DLG5: variants seen among roughly 807,000 people sequenced by gnomAD.
The protein encoded by DLG5 is discs large MAGUK scaffold protein 5.
A neutral mutation model predicts 189.8 loss-of-function variants in DLG5; 48 were observed. The observed-to-expected ratio is 0.25, with a 90% CI of 0.20 to 0.32. The LOEUF is 0.32. Among genes scored for constraint, DLG5 ranks in the 10% least tolerant of loss-of-function variants. The pLI is 1.00. For synonymous variants in DLG5, 1,016 were observed against 1,054.1 expected (o/e 0.96, Z 0.70); for missense variants, 2,160 against 2,544.7 (o/e 0.85, Z 3.25).
At chr10:77,827,019 A>G (rs145649256) in intron 13 of DLG5, among the ~76,000 whole-genome samples, 192 of 152,352 alleles carry the variant, frequency 1.3e-3, no homozygotes, top group African/African-American at 4.2e-3. Context: ...CATCCAGGTT[A>G]CCTCAACCCC....
intron 6 of DLG5, 110 bp downstream of exon 6, chr10:77,843,337 C>A: frequency 7.3e-7 from 1 of 1,375,422 alleles, no homozygotes; most frequent in African/African-American, 1.4e-5. Flanking sequence ...TGGTCAGAAG[C>A]ATTTTTTGAT....
In DLG5 at chr10:77,815,365, T is replaced by G. The variant is rs896522634; in HGVS notation, c.4025+1186A>C. ...TAAGTTCAGATTTTCAAGTCAAATA[T>G]AAGATTTTCTCTGGCTGGGCACGGT... On this transcript the variant is annotated intron_variant, in intron 20 of 31. Transcript: ENST00000372391. Among the ~76,000 whole-genome samples the G allele has an allele frequency of 5.9e-5, 9 of 152,260 alleles. No homozygotes were observed. The South Asian group carries it at 1.9e-3, about 32-fold the overall frequency.
At chr10:77,882,820 G>A (rs2154577414) in intron 1 of DLG5, among the ~76,000 whole-genome samples, 1 of 151,682 alleles carries the variant, frequency 6.6e-6, no homozygotes, top group African/African-American at 2.4e-5. Context: ...CTACTCGGGA[G>A]GGTGAGGCAC....
chr10:77,830,260 C>T lies in DLG5; in HGVS notation c.1966G>A (p.Val656Ile). The change falls in exon 11 of 32, where the codon GTC (valine) becomes ATC (isoleucine). Residue 656 changes from valine (V) to isoleucine (I), a missense_variant. By Grantham distance (29) the Val-to-Ile change is conservative (BLOSUM62 3). This residue lies in a region of DLG5 where 107 missense variants were observed against 214.5 expected (regional missense o/e 0.50). Coordinates refer to ENST00000372391, the MANE Select transcript of DLG5 (RefSeq NM_004747.4). The stretch of plus-strand genomic sequence containing the variant: ...ATGCTTCCTTTGTCCACTTTAGTGA[C>T]AAATATGCCACAGTCCCCCGGGAAA... ...PCFPGDCGIF[V>I]TKVDKGSIAD... The T allele has an allele frequency of 6.2e-7, 1 of 1,614,208 alleles. No homozygotes were observed. Among genetic ancestry groups the T allele is most frequent in the Non-Finnish European group, 8.5e-7 (1 of 1,180,044 alleles).
intron 11 of DLG5, 80 bp from the exon 12 acceptor site, chr10:77,829,610 G>C (rs376634862): frequency 8.1e-6 from 12 of 1,489,798 alleles, no homozygotes; most frequent in African/African-American, 7.0e-5. Context: ...CACTCAGGGG[G>C]CTGACTGCCA....
At chr10:77,867,702 A>C (rs1042820562) in intron 2 of DLG5, among the ~76,000 whole-genome samples, 2 of 152,232 alleles carry the variant, frequency 1.3e-5, no homozygotes, top group African/African-American at 2.4e-5. Flanking sequence ...TAAAGTCCCA[A>C]TCCAGTAAAT....
intron 1 of DLG5, among the ~76,000 whole-genome samples, chr10:77,891,772 A>G (rs1242769687): frequency 1.3e-5 from 2 of 152,166 alleles, no homozygotes; most frequent in Non-Finnish European, 2.9e-5. Context: ...TTTCTCCCAC[A>G]GCAGGTGGCT....
chr10:77,832,202 A>T (rs944773015), intron 9 of DLG5, among the ~76,000 whole-genome samples: 2 of 152,226 alleles, frequency 1.3e-5, no homozygotes, highest in African/African-American at 2.4e-5. Context: ...AAAAAAAAAA[A>T]TTTGATAGAT....
intron 1 of DLG5, among the ~76,000 whole-genome samples, chr10:77,877,551 T>C (rs1845138905): frequency 6.6e-6 from 1 of 151,800 alleles, no homozygotes; most frequent in South Asian, 2.1e-4. Context: ...GGGCTGCAGG[T>C]TGGGGATGGG....
chr10:77,935,980 AC>A, the DLG5 span, among the ~76,000 whole-genome samples: 1 of 152,204 alleles, frequency 6.6e-6, no homozygotes, highest in Non-Finnish European at 1.5e-5. Context: ...TATTGCACAC[AC>A]CTTTTTAGGA....
At chr10:77,806,722 C>CG in intron 26 of DLG5, 36 bp downstream of exon 26, 46 of 1,410,494 alleles carry the variant, frequency 3.3e-5, no homozygotes, top group Non-Finnish European at 4.2e-5. Context: ...TCGGCGACCC[C>CG]TGCCCCACCC....
In DLG5 at chr10:77,817,014, G is replaced by A. The variant is rs35837544; in HGVS notation, c.3867C>T (p.Ser1289=). The A allele has an allele frequency of 0.031, 49,831 of 1,613,812 alleles. 948 individuals are homozygous for A. The highest frequency in any genetic ancestry group is 0.046 in the Middle Eastern group (276 of 5,974). Residue 1289 remains serine (S), a synonymous_variant, in exon 19 of 32, where the codon TCC becomes TCT. Coordinates refer to ENST00000372391, the MANE Select transcript of DLG5 (RefSeq NM_004747.4). ...ATGTCGAGAAGTCCTTACCTCTCTC[G>A]GAGCCCACGACACTCCGCGGATATC... The part of the protein sequence containing the change: ...TPRYPRSVVG[S]ERGSVSHSEC...
intron 5 of DLG5, 95 bp from the exon 6 acceptor site, chr10:77,843,801 T>C: frequency 6.5e-7 from 1 of 1,533,696 alleles, no homozygotes; most frequent in Non-Finnish European, 8.9e-7. Context: ...GTGAGACTGA[T>C]GACAAGGCGG....
In DLG5 at chr10:77,809,650, T is replaced by G; in HGVS notation, c.4544A>C (p.His1515Pro). Reference protein sequence around the residue: ...IKKSQLELGVHLCGGNLHGVF... With the variant: ...IKKSQLELGVPLCGGNLHGVF... ...CCCATGCAGGTTCCCACCACACAAGTGCACCCCAAGCTCCAGCTGGGACTT... is the reference window on the plus strand; with the variant it reads ...CCCATGCAGGTTCCCACCACACAAGGGCACCCCAAGCTCCAGCTGGGACTT... Residue 1515 changes from histidine (H) to proline (P), a missense_variant, in exon 24 of 32, where the codon CAC (histidine) becomes CCC (proline). His to Pro is a moderately conservative substitution (Grantham distance 77, BLOSUM62 -2). Around this residue, in one of 5 missense-constraint regions of DLG5, gnomAD observed 574 missense variants for 644.2 expected, o/e 0.89. Coordinates refer to ENST00000372391, the MANE Select transcript of DLG5 (RefSeq NM_004747.4). 1 of 1,614,158 alleles carries G rather than the reference T, an allele frequency of 6.2e-7. No individual in the cohort carries two copies.
chr10:77,919,228 C>CA (rs892594672), intron 1 of DLG5, among the ~76,000 whole-genome samples: 1,789 of 146,362 alleles, frequency 0.012, 28 homozygotes, highest in African/African-American at 0.041. Flanking sequence ...AACAAACAAA[C>CA]AAAAAAAAAA....
intron 2 of DLG5, chr10:77,868,538 G>C (rs1844777612): frequency 3.8e-6 from 1 of 265,468 alleles, no homozygotes; most frequent in Non-Finnish European, 7.4e-6. Context: ...GGGCTCAAAA[G>C]ATGGCCGGGA....
At chr10:77,857,387 T>C (rs1399785160) in intron 2 of DLG5, among the ~76,000 whole-genome samples, 3 of 152,212 alleles carry the variant, frequency 2.0e-5, no homozygotes. Context: ...CCAAGGGCCG[T>C]GTCCCCGCCC....
chr10:77,833,622 G>T (rs1421362239), intron 9 of DLG5, among the ~76,000 whole-genome samples: 1 of 152,236 alleles, frequency 6.6e-6, no homozygotes, highest in Non-Finnish European at 1.5e-5. Context: ...GCCCCAGATG[G>T]ACTGCTTGGG....
rs374532116 is a variant in DLG5, at chr10:77,817,570, G to C, written c.3784+207C>G. Among the ~76,000 whole-genome samples the C allele has an allele frequency of 1.6e-4, 25 of 152,350 alleles. No homozygotes were observed. The South Asian group carries it at 5.0e-3, about 30-fold the overall frequency. On this transcript the variant is annotated intron_variant, in intron 18 of 31. Coordinates refer to ENST00000372391, the MANE Select transcript of DLG5 (RefSeq NM_004747.4). ...TGACCATAAGGCCCCCACAGAAAGCGGAAGGCGAAAGCAATGGCTCTGACA... is the reference window on the plus strand; with the variant it reads ...TGACCATAAGGCCCCCACAGAAAGCCGAAGGCGAAAGCAATGGCTCTGACA...
Sources: allele counts gnomAD v4.1 joint callset (sites outside exome capture counted in the v4.1 genomes callset), GRCh38; gene constraint gnomAD v4.1.1; regional missense constraint gnomAD v4.1.1; transcripts MANE v1.5; gene names NCBI Gene and HGNC (gene_info 2026-07-23, HGNC 2026-07-21).